The following TRMT44 variants were observed in gnomAD, a reference collection of about 807,000 sequenced individuals.
TRMT44 encodes the protein probable tRNA (uracil-O(2)-)-methyltransferase.
In TRMT44, 78 loss-of-function variants were observed where a neutral mutation model predicts 77.3. The ratio of observed to expected loss-of-function variants is 1.01; its 90% CI spans 0.84 to 1.22. The LOEUF (loss-of-function observed/expected upper bound fraction) is 1.22. Among genes scored for constraint, TRMT44 ranks in the 50% most tolerant of loss-of-function variants. TRMT44 has a pLI of 0.00. For synonymous variants in TRMT44, 391 were observed against 383.3 expected (o/e 1.02, Z -0.23); for missense variants, 1,090 against 964.4 (o/e 1.13, Z -1.73).
intron 10 of TRMT44, among the ~76,000 whole-genome samples, chr4:8,472,892 C>T (rs1003709641): frequency 2.6e-5 from 4 of 152,202 alleles, no homozygotes; most frequent in African/African-American, 9.7e-5. Flanking sequence ...TCTGTCTTTC[C>T]CAACACTTGT....
At chr4:8,480,903 G>A (rs1476807182), downstream of TRMT44, among the ~76,000 whole-genome samples, 1 of 152,188 alleles carries the variant, frequency 6.6e-6, no homozygotes, top group African/African-American at 2.4e-5. Context: ...CTCAAAATGT[G>A]TTTAACCATA....
At chr4:8,470,918 GT>G in intron 9 of TRMT44, 165 bp from the exon 10 acceptor site, 1 of 564,926 alleles carries the variant, frequency 1.8e-6, no homozygotes, top group Non-Finnish European at 3.2e-6. Context: ...GGCCCTCACG[GT>G]TTGGTGCGGT....
At chr4:8,492,643 C>T (rs912018088) in intron 2 of TRMT44, among the ~76,000 whole-genome samples, 6 of 152,134 alleles carry the variant, frequency 3.9e-5, no homozygotes, top group Non-Finnish European at 5.9e-5. Context: ...ATAGCTACTA[C>T]GATTAAAAAG....
chr4:8,484,851 G>T lies in TRMT44; in HGVS notation n.3891+5318G>T, dbSNP rs189896169. ...GGGGTTGTTTTGTAGAAGGGTTGGG[G>T]TTTGAGAGATTAGTTGGACATGAGC... On this transcript the variant is annotated intron_variant and non_coding_transcript_variant, in intron 2 of 2. Coordinates refer to the TRMT44 transcript ENST00000511366. Among the ~76,000 whole-genome samples the T allele has an allele frequency of 2.0e-3, 302 of 152,302 alleles. 2 individuals are homozygous for T. The highest frequency in any genetic ancestry group is 6.8e-3 in the African/African-American group (282 of 41,554).
the TRMT44 span, among the ~76,000 whole-genome samples, chr4:8,500,101 G>A: frequency 6.6e-6 from 1 of 152,132 alleles, no homozygotes; most frequent in Admixed American, 6.5e-5. Flanking sequence ...GTGGTGGCAT[G>A]TGCCTGTAGT....
rs115886969 is a variant in TRMT44 at position 8,470,643 on chromosome 4, G to A, written c.1928-441G>A. ...TGGCCTTGCTGGCCACCCTAGAGCCGGTAGCGCCAGGCTGGCTGCCCCATG... is the reference window on the plus strand; with the variant it reads ...TGGCCTTGCTGGCCACCCTAGAGCCAGTAGCGCCAGGCTGGCTGCCCCATG... On this transcript the variant is annotated intron_variant, in intron 9 of 10. Coordinates refer to ENST00000389737, the MANE Select transcript of TRMT44 (RefSeq NM_152544.3). 9.1e-3 allele frequency among the ~76,000 whole-genome samples: 1,384 copies of A among 152,238 alleles called. 22 individuals are homozygous for A. The highest frequency in any genetic ancestry group is 0.032 in the African/African-American group (1,326 of 41,540).
chr4:8,463,929 G>A (rs189182781), intron 6 of TRMT44, 56 bp from the exon 7 acceptor site: 2 of 1,462,780 alleles, frequency 1.4e-6, no homozygotes, highest in East Asian at 2.3e-5. Flanking sequence ...TCCTGCCCAC[G>A]CAGTAGCTCT....
At chr4:8,454,981 C>G in intron 6 of TRMT44, 168 bp downstream of exon 6, 1 of 663,650 alleles carries the variant, frequency 1.5e-6, no homozygotes, top group Non-Finnish European at 2.6e-6. Flanking sequence ...AGACATGAAA[C>G]TAGACTTCAC....
chr4:8,454,857 G>C (rs777762163), intron 6 of TRMT44, 44 bp downstream of exon 6: 6 of 1,571,228 alleles, frequency 3.8e-6, no homozygotes, highest in Middle Eastern at 1.7e-4. Flanking sequence ...GCATGGCTTA[G>C]CTCCCAGTGG....
chr4:8,483,175 C>T (rs1348420782), intron 2 of TRMT44, among the ~76,000 whole-genome samples: 2 of 151,978 alleles, frequency 1.3e-5, no homozygotes, highest in Non-Finnish European at 2.9e-5. Context: ...TTGGGAGGAC[C>T]CAGGACATCT....
chr4:8,488,810 C>G (rs1241894662), intron 2 of TRMT44, among the ~76,000 whole-genome samples: 2 of 152,152 alleles, frequency 1.3e-5, no homozygotes, highest in African/African-American at 2.4e-5. Context: ...AGCTATAGCC[C>G]AGGCAAAGGA....
chr4:8,502,589 A>G, the TRMT44 span, among the ~76,000 whole-genome samples: 1 of 152,336 alleles, frequency 6.6e-6, no homozygotes, highest in African/African-American at 2.4e-5. Context: ...GGATGTTGGC[A>G]GTATTCGATT....
At chr4:8,516,948 A>G in the TRMT44 span, among the ~76,000 whole-genome samples, 12 of 152,216 alleles carry the variant, frequency 7.9e-5, no homozygotes, top group Non-Finnish European at 4.4e-5. Context: ...CTTCTTGCAG[A>G]TATCTCTTCT....
At chr4:8,478,883 A>G (rs994602926), downstream of TRMT44, 3 of 152,248 alleles carry the variant, frequency 2.0e-5, no homozygotes, top group Non-Finnish European at 4.4e-5. Flanking sequence ...ACCTGTGGTG[A>G]GCATTGTGGT....
At position 8,468,127 on chromosome 4, in the gene TRMT44, G is replaced by C; in HGVS notation, c.1708G>C (p.Ala570Pro). The C allele has an allele frequency of 1.2e-6, 2 of 1,613,940 alleles. No individual in the cohort carries two copies. The highest frequency in any genetic ancestry group is 8.5e-7 in the Non-Finnish European group (1 of 1,179,992). The change falls in exon 9 of 11, where the codon GCC (alanine) becomes CCC (proline). Residue 570 changes from alanine (A) to proline (P), a missense_variant. Transcript: ENST00000389737. ...CGCCAGGGTCGGGTGTGTAACCAGG[G>C]CCTGGGCCGCTGAGCATGGAGCAGG... is the stretch of plus-strand genomic sequence containing the variant. The part of the protein sequence containing the change: ...LDARVGCVTR[A>P]WAAEHGAGPQ...
intron 2 of TRMT44, among the ~76,000 whole-genome samples, chr4:8,486,050 T>C (rs1160827951): frequency 6.6e-6 from 1 of 152,176 alleles, no homozygotes; most frequent in Non-Finnish European, 1.5e-5. Context: ...CTTCAGTTGC[T>C]AAGCCAAGAA....
chr4:8,502,861 G>A, the TRMT44 span, among the ~76,000 whole-genome samples: 1 of 152,258 alleles, frequency 6.6e-6, no homozygotes, highest in Non-Finnish European at 1.5e-5. Flanking sequence ...GTGCCAGGAG[G>A]TGGGGAACAT....
Position 8,449,790 on chromosome 4 carries a change from A to AAGAGG in TRMT44, c.859_860insGGAGA (p.Lys287ArgfsTer16). 1 of 1,536,028 alleles carries AAGAGG rather than the reference A, an allele frequency of 6.5e-7. No individual in the cohort carries two copies. The highest frequency in any genetic ancestry group is 2.0e-5 in the Admixed American group (1 of 50,994). The stretch of plus-strand genomic sequence containing the variant: ...GTTGGCCAAGTGGTCTGTAGAGAAC[A>AAGAGG]AGAAGAGTGACTTTAAAAGCACCCT... On this transcript the variant is annotated frameshift_variant, in exon 3 of 11. Coordinates refer to ENST00000389737, the MANE Select transcript of TRMT44 (RefSeq NM_152544.3). LOFTEE classifies it high-confidence loss of function.
intron 6 of TRMT44, 130 bp downstream of exon 6, chr4:8,454,943 G>C: frequency 1.2e-6 from 1 of 832,256 alleles, no homozygotes; most frequent in Middle Eastern, 2.3e-4. Flanking sequence ...ATTAATCTAA[G>C]TGCTCTGAAA....
Sources: allele counts gnomAD v4.1 joint callset (sites outside exome capture counted in the v4.1 genomes callset), GRCh38; gene constraint gnomAD v4.1.1; transcripts MANE v1.5; gene names NCBI Gene and HGNC (gene_info 2026-07-23, HGNC 2026-07-21).